The following ATP2B2 variants were observed in gnomAD, a reference collection of about 807,000 sequenced individuals.
ATP2B2 encodes plasma membrane calcium-transporting ATPase 2.
A neutral mutation model predicts 120.0 loss-of-function variants in ATP2B2; 15 were observed. That is an observed-to-expected ratio of 0.12 (90% confidence interval 0.08 to 0.19). The LOEUF is 0.19. ATP2B2 is among the 10% of genes least tolerant of loss of function. The probability of loss-of-function intolerance (pLI) is 1.00; values close to 1 mark genes in which losing one functional copy is unlikely to be tolerated. For synonymous variants in ATP2B2, 694 were observed against 700.3 expected (o/e 0.99, Z 0.14); for missense variants, 1,045 against 1,719.8 (o/e 0.61, Z 6.94).
intron 1 of ATP2B2, among the ~76,000 whole-genome samples, chr3:10,675,231 T>C (rs947575989): frequency 3.9e-5 from 6 of 152,218 alleles, no homozygotes; most frequent in African/African-American, 1.4e-4. Context: ...AACACAGAAA[T>C]GACTAGCATT....
At chr3:10,689,740 C>T (rs540940868) in intron 1 of ATP2B2, among the ~76,000 whole-genome samples, 3 of 152,312 alleles carry the variant, frequency 2.0e-5, no homozygotes, top group African/African-American at 4.8e-5. Flanking sequence ...GCCGGGAAAC[C>T]ACTCAGATGC....
intron 5 of ATP2B2, among the ~76,000 whole-genome samples, chr3:10,391,034 C>G (rs2061833612): frequency 6.6e-6 from 1 of 152,240 alleles, no homozygotes; most frequent in African/African-American, 2.4e-5. Context: ...TGGCGGGTAT[C>G]ACTGGAGACT....
intron 2 of ATP2B2, 68 bp downstream of exon 2, chr3:10,449,277 G>T: frequency 6.5e-7 from 1 of 1,534,256 alleles, no homozygotes; most frequent in Non-Finnish European, 9.0e-7. Flanking sequence ...TATGAATATG[G>T]TCCCTGTGGC....
intron 3 of ATP2B2, among the ~76,000 whole-genome samples, chr3:10,529,263 A>G (rs994884537): frequency 2.0e-5 from 3 of 152,328 alleles, no homozygotes; most frequent in South Asian, 4.1e-4. Context: ...TCACGCTTTG[A>G]AGATTATTTT....
chr3:10,686,058 T>TC (rs2071514522), intron 1 of ATP2B2, among the ~76,000 whole-genome samples: 1 of 147,986 alleles, frequency 6.8e-6, no homozygotes, highest in Admixed American at 6.7e-5. Context: ...TTTTTTTTTT[T>TC]TTTTTTTTGA....
At position 10,379,489 on chromosome 3, in the gene ATP2B2, C is replaced by T. The variant is rs546391521; in HGVS notation, c.1001-205G>A. Among the ~76,000 whole-genome samples the T allele has an allele frequency of 1.1e-4, 17 of 152,304 alleles. No individual in the cohort carries two copies. The South Asian group carries it at 3.1e-3, about 28-fold the overall frequency. ...CACCTTAGCTGTGGGGCCTGCCAGC[C>T]GGGCAACTCTTGATTCTCCAGGGGA... On this transcript the variant is annotated intron_variant, in intron 8 of 22. Transcript: ENST00000360273.
intron 1 of ATP2B2, among the ~76,000 whole-genome samples, chr3:10,468,342 C>T (rs938437903): frequency 5.3e-5 from 8 of 152,226 alleles, no homozygotes; most frequent in African/African-American, 1.9e-4. Context: ...GGGTGGGAAG[C>T]AGATGGCAGC....
intron 2 of ATP2B2, among the ~76,000 whole-genome samples, chr3:10,554,054 T>TAGGA (rs1228224529): frequency 1.3e-5 from 2 of 151,562 alleles, no homozygotes; most frequent in Admixed American, 1.3e-4. Context: ...GAACAAGGCA[T>TAGGA]AGGAAGGCAT....
At chr3:10,385,851 TCAGGC>T (rs1336259541) in intron 7 of ATP2B2, among the ~76,000 whole-genome samples, 1 of 152,244 alleles carries the variant, frequency 6.6e-6, no homozygotes. Flanking sequence ...TGCCCTTGAT[TCAGGC>T]CATTGCCTCC....
intron 2 of ATP2B2, among the ~76,000 whole-genome samples, chr3:10,615,532 C>T (rs1248704900): frequency 6.6e-6 from 1 of 152,146 alleles, no homozygotes; most frequent in African/African-American, 2.4e-5. Context: ...ACGGCCAGCC[C>T]CTCAGAGTGG....
intron 1 of ATP2B2, among the ~76,000 whole-genome samples, chr3:10,686,002 C>T (rs2071510123): frequency 6.6e-6 from 1 of 150,812 alleles, no homozygotes; most frequent in Admixed American, 6.6e-5. Context: ...CTTATTCCAG[C>T]TCGTCTTTCT....
intron 1 of ATP2B2, among the ~76,000 whole-genome samples, chr3:10,645,003 A>G (rs2070285213): frequency 6.6e-6 from 1 of 152,228 alleles, no homozygotes; most frequent in East Asian, 1.9e-4. Flanking sequence ...CTTCTTAGGT[A>G]ATATACCATG....
At chr3:10,491,554 T>C (rs2065936938) in intron 1 of ATP2B2, among the ~76,000 whole-genome samples, 1 of 152,096 alleles carries the variant, frequency 6.6e-6, no homozygotes, top group Non-Finnish European at 1.5e-5. Flanking sequence ...ATGGGGCCCA[T>C]AGCGGGTATC....
intron 1 of ATP2B2, among the ~76,000 whole-genome samples, chr3:10,692,784 C>T (rs1026945189): frequency 2.0e-5 from 3 of 151,870 alleles, no homozygotes; most frequent in Non-Finnish European, 2.9e-5. Context: ...GGAGCAGTCA[C>T]TGACCCCAGG....
chr3:10,385,226 G>A (rs761105921), intron 8 of ATP2B2, 42 bp downstream of exon 8: 21 of 1,588,832 alleles, frequency 1.3e-5, no homozygotes, highest in Non-Finnish European at 9.5e-6. Flanking sequence ...GGTGAGAGAC[G>A]CCCATCCAAC....
At chr3:10,441,797 C>A (rs891183660) in intron 2 of ATP2B2, among the ~76,000 whole-genome samples, 1 of 152,152 alleles carries the variant, frequency 6.6e-6, no homozygotes, top group African/African-American at 2.4e-5. Flanking sequence ...ATATTAGAAG[C>A]AGGGGGAAGC....
chr3:10,374,892 T>C (rs1287568673), intron 11 of ATP2B2, among the ~76,000 whole-genome samples: 4 of 152,218 alleles, frequency 2.6e-5, no homozygotes, highest in African/African-American at 9.7e-5. Flanking sequence ...GACTTCCTTT[T>C]TGTTTTTGGC....
chr3:10,468,593 C>T (rs1389379849), intron 1 of ATP2B2, among the ~76,000 whole-genome samples: 2 of 152,212 alleles, frequency 1.3e-5, no homozygotes, highest in African/African-American at 2.4e-5. Context: ...CCTCCTTTGT[C>T]TCACCTGTAA....
chr3:10,509,274 G>T (rs1249187980), upstream of ATP2B2, among the ~76,000 whole-genome samples: 2 of 152,174 alleles, frequency 1.3e-5, no homozygotes, highest in Admixed American at 6.5e-5. Context: ...TTCTTTCTGG[G>T]AAGCATGGAT....
Sources: allele counts gnomAD v4.1 joint callset (sites outside exome capture counted in the v4.1 genomes callset), GRCh38; gene constraint gnomAD v4.1.1; transcripts MANE v1.5; gene names NCBI Gene and HGNC (gene_info 2026-07-23, HGNC 2026-07-21).